The following KLF8 variants were observed in gnomAD, a reference collection of about 807,000 sequenced individuals.
KLF8 encodes KLF transcription factor 8.
Under a neutral mutation model 18.2 loss-of-function variants are expected in KLF8, and 10 were observed. That is an observed-to-expected ratio of 0.55 (90% confidence interval 0.34 to 0.93). The LOEUF is 0.93. Ranked by LOEUF, KLF8 falls within the 40% of genes least tolerant of loss-of-function variation. KLF8 has a pLI of 0.02. For synonymous variants in KLF8, 109 were observed against 97.3 expected, an observed-to-expected ratio of 1.12 and a Z score of -0.71; for missense variants, 264 against 277.9, an observed-to-expected ratio of 0.95 and a Z score of 0.36.
At chrX:56,040,008 A>G in the KLF8 span, among the ~76,000 whole-genome samples, 48 of 111,042 alleles carry the variant, frequency 4.3e-4, no homozygotes, top group African/African-American at 1.4e-3. Context: ...GAGTTCATTC[A>G]TGATTTGGCT....
intron 1 of KLF8, among the ~76,000 whole-genome samples, chrX:56,248,826 G>T (rs968175206): frequency 9.0e-6 from 1 of 111,304 alleles, no homozygotes; most frequent in Non-Finnish European, 1.9e-5. Context: ...TACACCTCAG[G>T]CATCTTTCAT....
chrX:56,173,921 C>T, the KLF8 span, among the ~76,000 whole-genome samples: 1 of 111,718 alleles, frequency 9.0e-6, no homozygotes, highest in Admixed American at 9.6e-5. Flanking sequence ...TATGAGAATG[C>T]TTGTGATTTT....
At chrX:55,929,937 A>G in the KLF8 span, among the ~76,000 whole-genome samples, 1 of 108,139 alleles carries the variant, frequency 9.2e-6, no homozygotes, top group African/African-American at 3.4e-5. Context: ...TGGTAGCTTG[A>G]TGCTGATGGC....
rs936144728 is a variant in KLF8 at position 56,285,154 on chromosome X, G to A, written c.*660G>A. The A allele has an allele frequency of 8.9e-5, 10 of 112,029 alleles. No homozygotes were observed. Among genetic ancestry groups the A allele is most frequent in the Non-Finnish European group, 1.7e-4 (9 of 53,246 alleles). The allele number at this position is 112,029 out of a possible 1,213,427, so 9.2% of individuals were successfully genotyped here. A position where few individuals can be genotyped will look rare whatever the true frequency, so the allele number is the denominator to read the frequency against. On this transcript the variant is annotated 3_prime_UTR_variant, in exon 6 of 6. Coordinates refer to ENST00000468660, the MANE Select transcript of KLF8 (RefSeq NM_007250.5). ...CTTCTTAAGTTCATCAAGGGAATGA[G>A]GAGTTCTTGTCCTTCTCCTCCTCTT...
the KLF8 span, among the ~76,000 whole-genome samples, chrX:56,123,225 AC>A: frequency 9.3e-6 from 1 of 107,977 alleles, no homozygotes; most frequent in African/African-American, 3.4e-5. Flanking sequence ...CATTCCCCTT[AC>A]TTTTTACAAA....
intron 1 of KLF8, among the ~76,000 whole-genome samples, chrX:56,240,488 TA>T (rs2066529579): frequency 1.8e-5 from 2 of 112,206 alleles, no homozygotes; most frequent in Admixed American, 1.9e-4. Context: ...CATGAGATGT[TA>T]CATAATGATT....
chrX:56,170,655 C>T, the KLF8 span, among the ~76,000 whole-genome samples: 1 of 109,931 alleles, frequency 9.1e-6, no homozygotes, highest in Admixed American at 9.8e-5. Flanking sequence ...CTAAAGGAAA[C>T]AGAATTAAAA....
At chrX:56,111,478 T>C in the KLF8 span, among the ~76,000 whole-genome samples, 1 of 111,735 alleles carries the variant, frequency 8.9e-6, no homozygotes, top group Non-Finnish European at 1.9e-5. Context: ...AATTGACAAA[T>C]GGGATCTAAT....
At chrX:55,976,273 A>G in the KLF8 span, among the ~76,000 whole-genome samples, 1 of 111,478 alleles carries the variant, frequency 9.0e-6, no homozygotes, top group African/African-American at 3.3e-5. Context: ...ACATTACAGT[A>G]TGATGAACAA....
chrX:56,144,084 C>A, the KLF8 span, among the ~76,000 whole-genome samples: 1 of 112,127 alleles, frequency 8.9e-6, no homozygotes, highest in African/African-American at 3.2e-5. Flanking sequence ...CAGTAGTGAA[C>A]AGTTTCTTCA....
the KLF8 span, among the ~76,000 whole-genome samples, chrX:56,160,884 T>C: frequency 9.0e-6 from 1 of 111,592 alleles, no homozygotes; most frequent in Non-Finnish European, 1.9e-5. Flanking sequence ...ATCTAGCCCA[T>C]TTACATTTAA....
chrX:56,164,651 A>C, the KLF8 span, among the ~76,000 whole-genome samples: 4 of 104,744 alleles, frequency 3.8e-5, no homozygotes, highest in African/African-American at 1.4e-4. Flanking sequence ...GATCACAATT[A>C]AAATTACTAT....
the KLF8 span, among the ~76,000 whole-genome samples, chrX:56,080,980 G>T: frequency 3.6e-4 from 40 of 110,844 alleles, no homozygotes; most frequent in South Asian, 0.015. Context: ...TAGTTCTCGA[G>T]CCTTGGTTTT....
the KLF8 span, among the ~76,000 whole-genome samples, chrX:56,147,010 G>C: frequency 8.9e-6 from 1 of 112,078 alleles, no homozygotes; most frequent in Non-Finnish European, 1.9e-5. Flanking sequence ...CTATGGGAAT[G>C]CCCGTAGGGA....
chrX:56,185,845 G>A, the KLF8 span, among the ~76,000 whole-genome samples: 1 of 111,479 alleles, frequency 9.0e-6, no homozygotes, highest in Admixed American at 9.6e-5. Context: ...GTCACCACCA[G>A]GCCTGCCCTA....
chrX:55,960,254 C>T, the KLF8 span, among the ~76,000 whole-genome samples: 46 of 112,335 alleles, frequency 4.1e-4, no homozygotes, highest in African/African-American at 1.4e-3. Context: ...CAGTGGCTCA[C>T]GCCTGTAATC....
At chrX:55,988,121 T>A in the KLF8 span, among the ~76,000 whole-genome samples, 4 of 111,804 alleles carry the variant, frequency 3.6e-5, no homozygotes, top group Admixed American at 9.5e-5. Context: ...AGATGAGTAG[T>A]TTGCAAAAAT....
the KLF8 span, among the ~76,000 whole-genome samples, chrX:56,115,124 A>AT: frequency 1.8e-5 from 2 of 110,210 alleles, no homozygotes; most frequent in Non-Finnish European, 3.8e-5. Flanking sequence ...TTATTTATTT[A>AT]TTTTTTTGGC....
chrX:55,992,343 T>A, the KLF8 span, among the ~76,000 whole-genome samples: 85 of 112,570 alleles, frequency 7.6e-4, no homozygotes, highest in African/African-American at 2.7e-3. Flanking sequence ...CAGTACCATT[T>A]ATAGAATAGG....
Sources: allele counts gnomAD v4.1 joint callset (sites outside exome capture counted in the v4.1 genomes callset), GRCh38; gene constraint gnomAD v4.1.1; transcripts MANE v1.5; gene names NCBI Gene and HGNC (gene_info 2026-07-23, HGNC 2026-07-21).